Variants in MALRD1 observed in about 807,000 individuals in gnomAD.
MALRD1 encodes MAM and LDL-receptor class A domain-containing protein 1.
Under a neutral mutation model 242.1 loss-of-function variants are expected in MALRD1, and 247 were observed. That is an observed-to-expected ratio of 1.02 (90% CI 0.92 to 1.13). The LOEUF is 1.13. Among genes scored for constraint, MALRD1 ranks in the 50% most tolerant of loss-of-function variants. MALRD1 has a pLI of 0.00. For synonymous variants in MALRD1, 995 were observed against 866.6 expected (o/e 1.15, Z -2.60); for missense variants, 2,989 against 2,533.1 (o/e 1.18, Z -3.86).
chr10:19,097,921 T>C lies in MALRD1; in HGVS notation c.598-6058T>C, dbSNP rs557121719. On this transcript the variant is annotated intron_variant, in intron 4 of 39. Transcript: ENST00000454679. ...CCATGATCTTTTTTTATCCTGTGTA[T>C]AAACATGTATTGTACCTAGGGTGGA... 9.8e-5 allele frequency among the ~76,000 whole-genome samples: 15 copies of C among 152,312 alleles called. 1 individual carries two copies. The South Asian group carries it at 2.9e-3, about 29-fold the overall frequency.
intron 13 of MALRD1, among the ~76,000 whole-genome samples, chr10:19,167,823 A>G (rs889677394): frequency 2.6e-5 from 4 of 152,086 alleles, no homozygotes; most frequent in Non-Finnish European, 4.4e-5. Context: ...AGTGAGGGGT[A>G]AGTAACAGCA....
At position 19,595,453 on chromosome 10, in the gene MALRD1, C is replaced by G. The variant is rs747637427; in HGVS notation, c.5940C>G (p.Ile1980Met). ...GCCACTTTAATGAAGATGAGCTCAT[C>G]TGCTGTGAGTTATTTTCACTAACTC... ...PDCHFNEDELICSNKSCSNGA... is the reference protein window; with the variant it reads ...PDCHFNEDELMCSNKSCSNGA... The change falls in exon 34 of 40, where the codon ATC becomes ATG. Residue 1980 changes from isoleucine to methionine, a missense_variant. By Grantham distance (10) the Ile-to-Met change is conservative. Coordinates refer to ENST00000454679, the MANE Select transcript of MALRD1 (RefSeq NM_001142308.3). 1.3e-6 allele frequency: 2 copies of G among 1,548,588 alleles called. No individual in the cohort carries two copies. The highest frequency in any genetic ancestry group is 2.4e-5 in the South Asian group (2 of 83,880).
intron 24 of MALRD1, among the ~76,000 whole-genome samples, chr10:19,341,855 A>G (rs1490779536): frequency 6.6e-6 from 1 of 152,098 alleles, no homozygotes; most frequent in Non-Finnish European, 1.5e-5. Context: ...CCATGTCAGT[A>G]ACAGTGTCGT....
chr10:19,455,020 A>G (rs1263924977), intron 29 of MALRD1, among the ~76,000 whole-genome samples: 1 of 152,216 alleles, frequency 6.6e-6, no homozygotes, highest in Non-Finnish European at 1.5e-5. Context: ...TAATTGGCAT[A>G]TTCTGTAGTC....
At chr10:19,441,881 T>C (rs1346414209) in intron 28 of MALRD1, among the ~76,000 whole-genome samples, 1 of 152,180 alleles carries the variant, frequency 6.6e-6, no homozygotes, top group Non-Finnish European at 1.5e-5. Context: ...AAGTCATTGG[T>C]AGCTTGGTGG....
At chr10:19,651,939 A>G (rs943334767) in intron 36 of MALRD1, among the ~76,000 whole-genome samples, 9 of 152,226 alleles carry the variant, frequency 5.9e-5, no homozygotes, top group African/African-American at 1.9e-4. Flanking sequence ...CTTGGGGTCT[A>G]TGAAGCCAGG....
chr10:19,417,341 A>T (rs1388666999), intron 28 of MALRD1, among the ~76,000 whole-genome samples: 1 of 152,186 alleles, frequency 6.6e-6, no homozygotes, highest in Non-Finnish European at 1.5e-5. Flanking sequence ...GGACATTTTT[A>T]AGTTTCCCTA....
chr10:19,348,258 C>G (rs1362995460), intron 25 of MALRD1, among the ~76,000 whole-genome samples: 3 of 151,226 alleles, frequency 2.0e-5, no homozygotes, highest in Non-Finnish European at 4.4e-5. Context: ...GTTTGGGAAA[C>G]TGTTGGAAAA....
intron 10 of MALRD1, among the ~76,000 whole-genome samples, chr10:19,139,335 T>C (rs1372849459): frequency 6.6e-6 from 1 of 152,218 alleles, no homozygotes; most frequent in Non-Finnish European, 1.5e-5. Context: ...TTTACACATA[T>C]GAAAACATTT....
Position 19,297,346 on chromosome 10 carries a change from T to G in MALRD1, c.3419+14165T>G, listed in dbSNP as rs141756741. Reference sequence around the variant, plus strand: ...TTCACTGTAAAATAATTTAAAACAGTTAATTCTATAATCATAAGATTAAAA... The same window carrying G: ...TTCACTGTAAAATAATTTAAAACAGGTAATTCTATAATCATAAGATTAAAA... On this transcript the variant is annotated intron_variant, in intron 21 of 39. Coordinates refer to ENST00000454679, the MANE Select transcript of MALRD1 (RefSeq NM_001142308.3). Among the ~76,000 whole-genome samples, 1,082 of 151,866 alleles carry G rather than the reference T, an allele frequency of 7.1e-3. 13 individuals are homozygous for G. The highest frequency in any genetic ancestry group is 0.025 in the African/African-American group (1,036 of 41,438).
Position 19,409,592 on chromosome 10 carries a change from A to G in MALRD1, c.4845+19983A>G, listed in dbSNP as rs568152048. The stretch of plus-strand genomic sequence containing the variant: ...TATTATCAATCCTTGTGGTAATTGA[A>G]ATGTTTTGTATCTTGACTGTATTTG... On this transcript the variant is annotated intron_variant, in intron 28 of 39. Coordinates refer to ENST00000454679, the MANE Select transcript of MALRD1 (RefSeq NM_001142308.3). Among the ~76,000 whole-genome samples the G allele has an allele frequency of 7.9e-5, 12 of 152,238 alleles. No homozygotes were observed. In the South Asian group the frequency reaches 1.2e-3, roughly 16 times the overall value.
intron 28 of MALRD1, among the ~76,000 whole-genome samples, chr10:19,437,543 G>A (rs564941649): frequency 6.6e-6 from 1 of 151,678 alleles, no homozygotes; most frequent in Non-Finnish European, 1.5e-5. Context: ...TCCTCAATCT[G>A]TTTCTCTCTG....
chr10:19,718,180 G>A (rs1834500479), intron 38 of MALRD1, among the ~76,000 whole-genome samples: 1 of 150,474 alleles, frequency 6.6e-6, no homozygotes, highest in South Asian at 2.1e-4. Context: ...GAGGAAGAAA[G>A]GAAAAAGAAG....
intron 12 of MALRD1, among the ~76,000 whole-genome samples, chr10:19,155,945 C>G (rs905983715): frequency 2.6e-5 from 4 of 152,112 alleles, no homozygotes; most frequent in African/African-American, 9.7e-5. Flanking sequence ...CCTTTGCTTT[C>G]CATAAAAGTA....
chr10:19,279,534 A>G (rs1176353496), intron 19 of MALRD1, among the ~76,000 whole-genome samples: 2 of 152,180 alleles, frequency 1.3e-5, no homozygotes, highest in African/African-American at 4.8e-5. Flanking sequence ...TAATTTCAGA[A>G]ATTGTAATCT....
intron 32 of MALRD1, among the ~76,000 whole-genome samples, chr10:19,563,464 G>C (rs1375979547): frequency 6.6e-6 from 1 of 152,156 alleles, no homozygotes; most frequent in African/African-American, 2.4e-5. Context: ...GGTAATTAAA[G>C]AGCAGACCCC....
At position 19,204,285 on chromosome 10, in the gene MALRD1, T is replaced by TG. The variant is rs200884912; in HGVS notation, c.2105-23_2105-22insG. ...AATCCAATAGGTTAATGAAGCGTTT[T>TG]TTTTTTTTTTTTATCTCAACAGGGC... On this transcript the variant is annotated intron_variant, in intron 15 of 39. Coordinates refer to ENST00000454679, the MANE Select transcript of MALRD1 (RefSeq NM_001142308.3). The TG allele has an allele frequency of 2.2e-3, 3,036 of 1,365,272 alleles. 8 individuals are homozygous for TG. The highest frequency in any genetic ancestry group is 2.6e-3 in the Non-Finnish European group (2,606 of 1,013,714). 84.6% of individuals were successfully genotyped at this position (1,365,272 alleles called of 1,614,324 possible).
At chr10:19,432,409 A>T (rs1343954873) in intron 28 of MALRD1, among the ~76,000 whole-genome samples, 4 of 152,198 alleles carry the variant, frequency 2.6e-5, no homozygotes, top group Admixed American at 2.6e-4. Flanking sequence ...TATATCAGAG[A>T]AAGAATCTGA....
chr10:19,494,775 T>C (rs1170340898), intron 30 of MALRD1, among the ~76,000 whole-genome samples: 1 of 152,140 alleles, frequency 6.6e-6, no homozygotes, highest in Non-Finnish European at 1.5e-5. Context: ...TATGGGATTA[T>C]GTTAAGAGGC....
Sources: allele counts gnomAD v4.1 joint callset (sites outside exome capture counted in the v4.1 genomes callset), GRCh38; gene constraint gnomAD v4.1.1; transcripts MANE v1.5; gene names NCBI Gene and HGNC (gene_info 2026-07-23, HGNC 2026-07-21).